The following RBM34 variants were observed in gnomAD, a reference collection of about 807,000 sequenced individuals.
The protein encoded by RBM34 is RNA binding motif protein 34.
Under a neutral mutation model 44.6 loss-of-function variants are expected in RBM34, and 39 were observed. The observed-to-expected ratio is 0.87, with a 90% CI of 0.68 to 1.14. The LOEUF is 1.14. Among genes scored for constraint, RBM34 ranks in the 50% most tolerant of loss-of-function variants. The probability of loss-of-function intolerance (pLI) is 0.00; values close to 1 mark genes in which losing one functional copy is unlikely to be tolerated. For missense variants in RBM34, 572 were observed against 517.9 expected (o/e 1.10, Z -1.01); for synonymous variants, 194 against 184.0 (o/e 1.05, Z -0.44).
chr1:235,156,259 C>T (rs949112893), intron 3 of RBM34, among the ~76,000 whole-genome samples: 1 of 152,128 alleles, frequency 6.6e-6, no homozygotes, highest in Admixed American at 6.5e-5. Flanking sequence ...CCACCTCAGC[C>T]TCCCAAAGTG....
chr1:235,148,418 CT>C lies in RBM34; in HGVS notation c.686del (p.Lys229SerfsTer5). 1 of 1,596,736 alleles carries C rather than the reference CT, an allele frequency of 6.3e-7. No homozygotes were observed. The highest frequency in any genetic ancestry group is 8.5e-7 in the Non-Finnish European group (1 of 1,172,986). On this transcript the variant is annotated frameshift_variant, in exon 6 of 11. Coordinates refer to ENST00000408888, the MANE Select transcript of RBM34 (RefSeq NM_015014.4). LOFTEE classifies it high-confidence loss of function. Reference protein sequence around the residue: ...LIPAEGTLSKKLAAIKRKIHP... With the variant: ...LIPAEGTLSKXLAAIKRKIHP... Reference sequence around the variant, plus strand: ...TATAAACTTACTTTATTGCTGCCAACTTTTTGGATAGCGTTCCCTCTGCTGG... The same window carrying C: ...TATAAACTTACTTTATTGCTGCCAACTTTTGGATAGCGTTCCCTCTGCTGG...
chr1:235,139,857 T>C (rs1212876673), intron 6 of RBM34, among the ~76,000 whole-genome samples: 3 of 152,198 alleles, frequency 2.0e-5, no homozygotes, highest in Non-Finnish European at 4.4e-5. Flanking sequence ...GGCAAAATGC[T>C]GGGCACCAGA....
rs1160671720 is a variant in RBM34 at position 235,161,173 on chromosome 1, C to T, written c.53+1G>A. The T allele has an allele frequency of 1.2e-6, 2 of 1,600,670 alleles. No individual in the cohort carries two copies. The highest frequency in any genetic ancestry group is 2.2e-5 in the East Asian group (1 of 44,610). On this transcript the variant is annotated splice_donor_variant, in intron 1 of 10. Coordinates refer to ENST00000408888, the MANE Select transcript of RBM34 (RefSeq NM_015014.4). LOFTEE classifies it high-confidence loss of function. ...AGGTACTCGTGCCGCGCGCCACTCA[C>T]CCCTCCTGGACACTTCTCTTTCTCT...
chr1:235,135,617 T>C (rs1661394599), intron 10 of RBM34, 35 bp downstream of exon 10: 1 of 1,543,874 alleles, frequency 6.5e-7, no homozygotes, highest in Non-Finnish European at 9.0e-7. Flanking sequence ...CCAGGGCACT[T>C]CGAAGGACAG....
chr1:235,155,412 G>C (rs1315175881), intron 3 of RBM34, among the ~76,000 whole-genome samples: 1 of 150,942 alleles, frequency 6.6e-6, no homozygotes, highest in Non-Finnish European at 1.5e-5. Flanking sequence ...CGTAATCACA[G>C]CTCACTGCAG....
intron 6 of RBM34, among the ~76,000 whole-genome samples, chr1:235,148,102 T>C (rs1332815393): frequency 6.6e-6 from 1 of 152,228 alleles, no homozygotes; most frequent in Non-Finnish European, 1.5e-5. Context: ...ATGGCATTTG[T>C]AATCTGTATG....
intron 6 of RBM34, among the ~76,000 whole-genome samples, chr1:235,145,528 T>A (rs938254534): frequency 2.0e-5 from 3 of 152,106 alleles, no homozygotes; most frequent in Non-Finnish European, 2.9e-5. Context: ...TCCACCCACC[T>A]CAGCATCCCA....
chr1:235,155,595 C>T (rs1258767209), intron 3 of RBM34, among the ~76,000 whole-genome samples: 2 of 150,028 alleles, frequency 1.3e-5, no homozygotes, highest in African/African-American at 4.9e-5. Flanking sequence ...ACTTCTGCCT[C>T]TCGGGTTCAA....
chr1:235,138,018 C>T, intron 7 of RBM34, 73 bp downstream of exon 7: 2 of 1,535,142 alleles, frequency 1.3e-6, no homozygotes, highest in Non-Finnish European at 9.0e-7. Flanking sequence ...TAAAGTGAAA[C>T]CAAAGAATAA....
rs138648273 is a variant in RBM34 at position 235,135,682 on chromosome 1, G to A, written c.978C>T (p.Ile326=). ...AGAGCACATAGCCAAACCCTTTGCC[G>A]ATGCCTGTCATTTTGTCTCTCACAA... ...VRIVRDKMTG[I]GKGFGYVLFE... Residue 326 remains isoleucine, a synonymous_variant, in exon 10 of 11, where the codon ATC becomes ATT. Transcript: ENST00000408888. The A allele has an allele frequency of 5.6e-5, 90 of 1,614,110 alleles. No homozygotes were observed. The African/African-American group carries it at 8.3e-4, about 15-fold the overall frequency.
At position 235,159,556 on chromosome 1, in the gene RBM34, A is replaced by G. The variant is rs867785476; in HGVS notation, c.365+955T>C. Among the ~76,000 whole-genome samples the G allele has an allele frequency of 1.7e-4, 26 of 151,816 alleles. No individual in the cohort carries two copies. The Middle Eastern group carries it at 0.01, about 60-fold the overall frequency. On this transcript the variant is annotated intron_variant, in intron 3 of 10. Transcript: ENST00000408888. ...GAGTGAGACTCCAGCTCAAAAAAAA[A>G]AAAAAAAATTTTTTTTTTAAAAAGC...
chr1:235,135,321 C>T (rs564079206), intron 10 of RBM34, among the ~76,000 whole-genome samples: 61 of 151,984 alleles, frequency 4.0e-4, no homozygotes, highest in African/African-American at 1.4e-3. Flanking sequence ...CTCCACCTCC[C>T]GGGTTCAAGC....
intron 4 of RBM34, among the ~76,000 whole-genome samples, chr1:235,153,476 A>T (rs1448631791): frequency 6.6e-6 from 1 of 150,440 alleles, no homozygotes; most frequent in African/African-American, 2.5e-5. Context: ...CCCAGGCTGG[A>T]GTGCGGTGGC....
chr1:235,151,463 GGGCACT>G (rs1331259292), intron 5 of RBM34, among the ~76,000 whole-genome samples: 1 of 152,176 alleles, frequency 6.6e-6, no homozygotes. Context: ...CAGAAATTAT[GGGCACT>G]GTCAAAGCTT....
chr1:235,142,001 C>T (rs550203904), intron 6 of RBM34, among the ~76,000 whole-genome samples: 4 of 152,304 alleles, frequency 2.6e-5, no homozygotes, highest in Admixed American at 2.6e-4. Flanking sequence ...GAGGAGAAGG[C>T]TAAGCTGCTA....
At chr1:235,144,873 C>T (rs1289974455) in intron 6 of RBM34, among the ~76,000 whole-genome samples, 1 of 152,074 alleles carries the variant, frequency 6.6e-6, no homozygotes, top group Non-Finnish European at 1.5e-5. Flanking sequence ...GGGGAAACCC[C>T]GTCTCTACTA....
chr1:235,148,593 TA>T, intron 5 of RBM34, 146 bp from the exon 6 acceptor site: 1 of 493,972 alleles, frequency 2.0e-6, no homozygotes, highest in Admixed American at 4.6e-5. Context: ...ACAACTGTCC[TA>T]ATTTTTTTTT....
At chr1:235,160,216 T>C in intron 3 of RBM34, 1 of 508,494 alleles carries the variant, frequency 2.0e-6, no homozygotes, top group South Asian at 1.6e-5. Flanking sequence ...CACTGCACTC[T>C]ACTGCAGCCT....
rs564729099 is a variant in RBM34, at chr1:235,160,767, A to G, written c.229-120T>C. On this transcript the variant is annotated intron_variant, in intron 2 of 10. Transcript: ENST00000408888. ...CTCTCACTGGTATGTAAGAGTCATG[A>G]AAGGTTACTTAAAATGAATCCTGTC... 7 of 1,509,446 alleles carry G rather than the reference A, an allele frequency of 4.6e-6. No homozygotes were observed. The South Asian group carries it at 8.7e-5, about 19-fold the overall frequency. The allele number at this position is 1,509,446 out of a possible 1,614,324, so 93.5% of individuals were successfully genotyped here. A position where few individuals can be genotyped will look rare whatever the true frequency, so the allele number is the denominator to read the frequency against.
Sources: gnomAD v4.1 joint callset for allele counts (sites outside exome capture counted in the v4.1 genomes callset) on GRCh38, gnomAD v4.1.1 for gene constraint, MANE v1.5 for transcripts, NCBI Gene and HGNC (gene_info 2026-07-23, HGNC 2026-07-21) for gene names.